ATP8B2: variants seen among roughly 807,000 people sequenced by gnomAD.
The protein encoded by ATP8B2 is phospholipid-transporting ATPase ID.
Under a neutral mutation model 133.4 loss-of-function variants are expected in ATP8B2, and 70 were observed. The observed-to-expected ratio is 0.52, with a 90% confidence interval of 0.43 to 0.64. The LOEUF (loss-of-function observed/expected upper bound fraction) is 0.64. Among genes scored for constraint, ATP8B2 ranks in the 30% least tolerant of loss-of-function variants. The probability of loss-of-function intolerance (pLI) is 0.00; values close to 1 mark genes in which losing one functional copy is unlikely to be tolerated. For synonymous variants in ATP8B2, 517 were observed against 589.5 expected (o/e 0.88, Z 1.78); for missense variants, 1,101 against 1,535.7 (o/e 0.72, Z 4.73).
chr1:154,344,048 C>T lies in ATP8B2; in HGVS notation c.1914C>T (p.Asn638=). ...RLASIYEEVE[N]NMMLLGATAI... is the part of the protein sequence containing the mutation. ...CTAGCATCTATGAGGAGGTTGAGAACAACATGATGGTACGGGCTGCGGGAC... is the reference window on the plus strand; with the variant it reads ...CTAGCATCTATGAGGAGGTTGAGAATAACATGATGGTACGGGCTGCGGGAC... The change falls in exon 18 of 28, where the codon AAC becomes AAT. Residue 638 remains asparagine (N), a synonymous_variant. Coordinates refer to ENST00000368489, the MANE Select transcript of ATP8B2 (RefSeq NM_001370597.1). This position sits in a 1 kb window ranked among gnomAD's most constrained non-coding sequence, Gnocchi z 4.1. 6.2e-7 allele frequency: 1 copy of T among 1,613,958 alleles called. No individual in the cohort carries two copies. Among genetic ancestry groups the T allele is most frequent in the Non-Finnish European group, 8.5e-7 (1 of 1,179,862 alleles).
At position 154,340,668 on chromosome 1, in the gene ATP8B2, C is replaced by G. The variant is rs1260035279; in HGVS notation, c.1035-186C>G. ...AGGAGGGTCGGGTCGGGGCGTTCCT[C>G]TGCTGGCTGTGTGCAGCCGGCTCCA... On this transcript the variant is annotated intron_variant, in intron 12 of 27. Coordinates refer to ENST00000368489, the MANE Select transcript of ATP8B2 (RefSeq NM_001370597.1). The surrounding 1 kb of genome is among the most constrained non-coding windows in gnomAD (Gnocchi z 4.0). The G allele has an allele frequency of 4.8e-6, 3 of 626,474 alleles. No homozygotes were observed. Among genetic ancestry groups the G allele is most frequent in the African/African-American group, 3.7e-5 (2 of 54,118 alleles). The allele number at this position is 626,474 out of a possible 1,614,324, so 38.8% of individuals were successfully genotyped here. A position where few individuals can be genotyped will look rare whatever the true frequency, so the allele number is the denominator to read the frequency against.
chr1:154,328,025 G>A lies in ATP8B2; in HGVS notation c.-37-80G>A. The A allele has an allele frequency of 6.5e-7, 1 of 1,527,972 alleles. No homozygotes were observed. The highest frequency in any genetic ancestry group is 9.1e-7 in the Non-Finnish European group (1 of 1,101,756). The allele number at this position is 1,527,972 out of a possible 1,614,324, so 94.7% of individuals were successfully genotyped here. A position where few individuals can be genotyped will look rare whatever the true frequency, so the allele number is the denominator to read the frequency against. On this transcript the variant is annotated intron_variant, in intron 1 of 27. Coordinates refer to ENST00000368489, the MANE Select transcript of ATP8B2 (RefSeq NM_001370597.1). This position sits in a 1 kb window ranked among gnomAD's most constrained non-coding sequence, Gnocchi z 4.6. ...GGGCAGGGTCAGAGCTGGAGAAGAG[G>A]GTCTTCAAAAGAGGTCTCATGAGGG...
chr1:154,341,694 G>A (rs1257858831), intron 13 of ATP8B2: 1 of 155,848 alleles, frequency 6.4e-6, no homozygotes, highest in African/African-American at 2.4e-5. Flanking sequence ...TCGGGGGGCT[G>A]AGGCAGGAGA....
chr1:154,349,481 T>C lies in ATP8B2; in HGVS notation c.*363T>C. 4.0e-6 allele frequency: 1 copy of C among 250,954 alleles called. No individual in the cohort carries two copies. Among genetic ancestry groups the C allele is most frequent in the Non-Finnish European group, 7.9e-6 (1 of 126,116 alleles). 15.5% of individuals were successfully genotyped at this position (250,954 alleles called of 1,614,324 possible). A position where few individuals can be genotyped will look rare whatever the true frequency, so the allele number is the denominator to read the frequency against. ...TATAATCTCCTTATTTTTTTACTCC[T>C]ACTCCCCAGAGGGGCCCTAGTGCCT... On this transcript the variant is annotated 3_prime_UTR_variant, in exon 28 of 28. Coordinates refer to ENST00000368489, the MANE Select transcript of ATP8B2 (RefSeq NM_001370597.1).
chr1:154,332,723 GA>G, intron 9 of ATP8B2, 26 bp downstream of exon 9: 1 of 1,520,920 alleles, frequency 6.6e-7, no homozygotes, highest in Non-Finnish European at 9.0e-7. Flanking sequence ...GGAGCAGCCT[GA>G]AGGTAGAGGA....
Position 154,331,914 on chromosome 1 carries a change from G to A in ATP8B2, c.439-40G>A, listed in dbSNP as rs768377635. The A allele has an allele frequency of 4.4e-6, 7 of 1,583,542 alleles. No individual in the cohort carries two copies. The highest frequency in any genetic ancestry group is 4.3e-6 in the Non-Finnish European group (5 of 1,152,392). On this transcript the variant is annotated intron_variant, in intron 7 of 27. Transcript: ENST00000368489. The surrounding 1 kb of genome is among the most constrained non-coding windows in gnomAD (Gnocchi z 4.8). Reference sequence around the variant, plus strand: ...ACCATTACAGCCCACTGGGGGTGGAGGTTTGCATATTTGGACTTCTCATTA... The same window carrying A: ...ACCATTACAGCCCACTGGGGGTGGAAGTTTGCATATTTGGACTTCTCATTA...
At chr1:154,348,319 T>G in intron 26 of ATP8B2, 89 bp from the exon 27 acceptor site, 3 of 1,422,820 alleles carry the variant, frequency 2.1e-6, no homozygotes, top group Non-Finnish European at 2.8e-6. Context: ...ACTTAGGCTT[T>G]GAGAGTAGGG....
At chr1:154,326,529 A>G (rs1685797165) in intron 1 of ATP8B2, among the ~76,000 whole-genome samples, 1 of 152,154 alleles carries the variant, frequency 6.6e-6, no homozygotes, top group Non-Finnish European at 1.5e-5. Context: ...GTGTGAGACT[A>G]AGAAGGAAAA....
Position 154,342,504 on chromosome 1 carries a change from A to T in ATP8B2, c.1268A>T (p.His423Leu), listed in dbSNP as rs1172773797. The T allele has an allele frequency of 6.2e-7, 1 of 1,613,974 alleles. No homozygotes were observed. Among genetic ancestry groups the T allele is most frequent in the South Asian group, 1.1e-5 (1 of 91,080 alleles). Residue 423 changes from histidine (H) to leucine (L), a missense_variant, in exon 14 of 28, where the codon CAC becomes CTC. By Grantham distance (99) the His-to-Leu change is moderately conservative (BLOSUM62 -3). Coordinates refer to ENST00000368489, the MANE Select transcript of ATP8B2 (RefSeq NM_001370597.1). ...GGTGATGTGTTTGACGTCCTGGGAC[A>T]CAAAGCTGAATTGGGAGAGGTAAGA... ...SYGDVFDVLG[H>L]KAELGERPEP...
In ATP8B2 at chr1:154,345,304, C is replaced by A; in HGVS notation, c.2471-18C>A. ...CCGGTGGCCATCTTCACCCTCTTGT[C>A]ATCTCTTGTCTCTGCAGCGGCTCAC... On this transcript the variant is annotated intron_variant, in intron 22 of 27. Coordinates refer to ENST00000368489, the MANE Select transcript of ATP8B2 (RefSeq NM_001370597.1). This position sits in a 1 kb window ranked among gnomAD's most constrained non-coding sequence, Gnocchi z 5.6. The A allele has an allele frequency of 6.2e-7, 1 of 1,613,190 alleles. No homozygotes were observed. Among genetic ancestry groups the A allele is most frequent in the Non-Finnish European group, 8.5e-7 (1 of 1,179,632 alleles).
chr1:154,331,032 T>C lies in ATP8B2; in HGVS notation c.205-16T>C, dbSNP rs1284558203. The C allele has an allele frequency of 6.2e-7, 1 of 1,611,198 alleles. No individual in the cohort carries two copies. Among genetic ancestry groups the C allele is most frequent in the East Asian group, 2.2e-5 (1 of 44,864 alleles). On this transcript the variant is annotated splice_polypyrimidine_tract_variant and intron_variant, in intron 4 of 27. Transcript: ENST00000368489. The surrounding 1 kb of genome is among the most constrained non-coding windows in gnomAD (Gnocchi z 4.8). ...AGATGGGGCCTCAGAGGCATACTTC[T>C]CTTTCTTTTTTTCAGTTGATCCCCC...
chr1:154,332,106 C>T (rs935889503), intron 8 of ATP8B2, 82 bp downstream of exon 8: 1 of 1,445,582 alleles, frequency 6.9e-7, no homozygotes, highest in South Asian at 1.2e-5. Context: ...GTTCTCAGGC[C>T]TGGGCTCTGT....
intron 12 of ATP8B2, among the ~76,000 whole-genome samples, chr1:154,339,509 G>A (rs1238341923): frequency 6.6e-6 from 1 of 152,136 alleles, no homozygotes; most frequent in Admixed American, 6.5e-5. Context: ...CTATTTAAAT[G>A]CCTTTGTGCT....
intron 3 of ATP8B2, 126 bp from the exon 4 acceptor site, chr1:154,330,689 C>T: frequency 1.2e-6 from 1 of 848,390 alleles, no homozygotes; most frequent in Non-Finnish European, 1.9e-6. Flanking sequence ...TTTCCCCCTC[C>T]CACACCTGTG....
chr1:154,339,397 T>G (rs1686300219), intron 12 of ATP8B2, among the ~76,000 whole-genome samples: 2 of 152,258 alleles, frequency 1.3e-5, no homozygotes, highest in South Asian at 4.1e-4. Flanking sequence ...GATGTCTTGA[T>G]ATAAGATATT....
rs1686573962 is a variant in ATP8B2 at position 154,346,149 on chromosome 1, A to T, written c.2779-82A>T. 1 of 1,544,888 alleles carries T rather than the reference A, an allele frequency of 6.5e-7. No homozygotes were observed. The highest frequency in any genetic ancestry group is 8.8e-7 in the Non-Finnish European group (1 of 1,137,500). ...ACTTTGGAAAGGAGGAGGCAGGGACAGAGTCAGAGTCTGCCCTTGGTCATC... is the reference window on the plus strand; with the variant it reads ...ACTTTGGAAAGGAGGAGGCAGGGACTGAGTCAGAGTCTGCCCTTGGTCATC... On this transcript the variant is annotated intron_variant, in intron 24 of 27. Coordinates refer to ENST00000368489, the MANE Select transcript of ATP8B2 (RefSeq NM_001370597.1). This position sits in a 1 kb window ranked among gnomAD's most constrained non-coding sequence, Gnocchi z 4.5.
rs976804457 is a variant in ATP8B2, at chr1:154,334,529, A to G, written c.775A>G (p.Ser259Gly). ...AGPDTKLMQN[S>G]GRTKFKRTSI... is the part of the protein sequence containing the mutation. ...TCCCGACACTAAGCTGATGCAAAACAGCGGCAGAACAAAGTTCAAAAGAAC... is the reference window on the plus strand; with the variant it reads ...TCCCGACACTAAGCTGATGCAAAACGGCGGCAGAACAAAGTTCAAAAGAAC... The change falls in exon 11 of 28, where the codon AGC (serine) becomes GGC (glycine). Residue 259 changes from serine to glycine, a missense_variant. Ser to Gly is a moderately conservative substitution (Grantham distance 56). Transcript: ENST00000368489. The surrounding 1 kb of genome is among the most constrained non-coding windows in gnomAD (Gnocchi z 4.6). 1.9e-6 allele frequency: 3 copies of G among 1,613,988 alleles called. No homozygotes were observed. In the African/African-American group the frequency reaches 4.0e-5, roughly 22 times the overall value.
At chr1:154,336,273 T>TG (rs1252526996) in intron 11 of ATP8B2, among the ~76,000 whole-genome samples, 1 of 152,074 alleles carries the variant, frequency 6.6e-6, no homozygotes, top group Non-Finnish European at 1.5e-5. Flanking sequence ...GATGAAATAA[T>TG]GGTCAGACAG....
At chr1:154,329,204 C>T in intron 2 of ATP8B2, 1 of 898,440 alleles carries the variant, frequency 1.1e-6, no homozygotes, top group Non-Finnish European at 1.5e-6. Context: ...ATCCTGGCTC[C>T]GAAGGATCCA....
Sources: allele counts gnomAD v4.1 joint callset (sites outside exome capture counted in the v4.1 genomes callset), GRCh38; gene constraint gnomAD v4.1.1; non-coding constraint Gnocchi (gnomAD v3.1); transcripts MANE v1.5; gene names NCBI Gene and HGNC (gene_info 2026-07-23, HGNC 2026-07-21).